Variants in WDPCP observed in about 807,000 individuals in gnomAD.
WDPCP encodes WD repeat containing planar cell polarity effector.
Under a neutral mutation model 93.1 loss-of-function variants are expected in WDPCP, and 71 were observed. The ratio of observed to expected loss-of-function variants is 0.76; its 90% CI spans 0.63 to 0.93. The LOEUF (loss-of-function observed/expected upper bound fraction) is 0.93. WDPCP is among the 40% of genes least tolerant of loss of function. The pLI is 0.00. For missense variants in WDPCP, 844 were observed against 887.4 expected (o/e 0.95, Z 0.62); for synonymous variants, 315 against 315.0 (o/e 1.00, Z 0.00).
intron 14 of WDPCP, among the ~76,000 whole-genome samples, chr2:63,198,507 C>A (rs759406349): frequency 4.6e-5 from 7 of 152,012 alleles, no homozygotes; most frequent in Non-Finnish European, 1.5e-5. Flanking sequence ...GAGGGGTGAT[C>A]CCCTGTGTTG....
chr2:63,331,824 A>G (rs1687997707), intron 12 of WDPCP, among the ~76,000 whole-genome samples: 1 of 152,098 alleles, frequency 6.6e-6, no homozygotes, highest in Non-Finnish European at 1.5e-5. Flanking sequence ...CTTTTCAATA[A>G]TATCATAAAT....
intron 17 of WDPCP, among the ~76,000 whole-genome samples, chr2:63,130,853 T>A (rs952090531): frequency 1.3e-5 from 2 of 152,134 alleles, no homozygotes; most frequent in South Asian, 2.1e-4. Context: ...TATGTTAATG[T>A]TTGCTTCATA....
intron 17 of WDPCP, among the ~76,000 whole-genome samples, chr2:63,125,605 T>C (rs1323120749): frequency 6.6e-6 from 1 of 152,094 alleles, no homozygotes; most frequent in African/African-American, 2.4e-5. Context: ...CTTTTCAGTT[T>C]TTTTTGTTTT....
At chr2:63,363,549 G>A (rs1297834069) in intron 12 of WDPCP, among the ~76,000 whole-genome samples, 1 of 152,116 alleles carries the variant, frequency 6.6e-6, no homozygotes, top group East Asian at 1.9e-4. Flanking sequence ...AGTGAGTCAT[G>A]AACAGGCCAC....
intron 12 of WDPCP, among the ~76,000 whole-genome samples, chr2:63,369,952 C>G (rs1189710208): frequency 6.6e-6 from 1 of 152,092 alleles, no homozygotes; most frequent in Middle Eastern, 3.2e-3. Flanking sequence ...AACCAGACTG[C>G]CAGATGAAAA....
intron 10 of WDPCP, among the ~76,000 whole-genome samples, chr2:63,402,567 GA>G (rs1164281557): frequency 1.3e-5 from 2 of 152,134 alleles, no homozygotes; most frequent in Admixed American, 1.3e-4. Context: ...AGAAGCATAT[GA>G]AAAAAAGCTC....
intron 13 of WDPCP, among the ~76,000 whole-genome samples, chr2:63,289,473 C>T (rs1559286778): frequency 6.6e-6 from 1 of 151,860 alleles, no homozygotes; most frequent in Non-Finnish European, 1.5e-5. Flanking sequence ...GTATTATTTA[C>T]TTTGTATTTG....
chr2:63,348,095 C>A (rs1689323021), intron 12 of WDPCP, among the ~76,000 whole-genome samples: 1 of 152,146 alleles, frequency 6.6e-6, no homozygotes, highest in Non-Finnish European at 1.5e-5. Flanking sequence ...CTATCACTTA[C>A]AAAGTACTTA....
chr2:63,404,323 G>T lies in WDPCP; in HGVS notation c.1160C>A (p.Pro387Gln), dbSNP rs1476483565. The change falls in exon 10 of 18, where the codon CCA becomes CAA. Residue 387 changes from proline to glutamine, a missense_variant. By Grantham distance (76) the Pro-to-Gln change is moderately conservative. Coordinates refer to ENST00000272321, the MANE Select transcript of WDPCP (RefSeq NM_015910.7). ...GCCAACTAGCAGAATGGCACCACTT[G>T]GGTGGCAGCTTATTAATGAAGGCAA... Reference protein sequence around the residue: ...ELLPSLISCHPSGAILLVGSN... With the variant: ...ELLPSLISCHQSGAILLVGSN... 1.2e-6 allele frequency: 2 copies of T among 1,613,982 alleles called. No homozygotes were observed. Among genetic ancestry groups the T allele is most frequent in the African/African-American group, 2.7e-5 (2 of 74,906 alleles).
chr2:63,166,255 C>T (rs549649919), intron 15 of WDPCP, among the ~76,000 whole-genome samples: 4 of 151,808 alleles, frequency 2.6e-5, no homozygotes, highest in East Asian at 3.9e-4. Context: ...TTAGTAGAGA[C>T]GGGGTTTCAC....
At chr2:63,537,979 A>C (rs184025202) in intron 1 of WDPCP, among the ~76,000 whole-genome samples, 1 of 152,210 alleles carries the variant, frequency 6.6e-6, no homozygotes, top group South Asian at 2.1e-4. Flanking sequence ...GAACAAGAGC[A>C]TAAGTCCCGC....
At position 63,325,863 on chromosome 2, in the gene WDPCP, C is replaced by T. The variant is rs188125476; in HGVS notation, c.1749-12552G>A. ...TCCAGCTTTAAGCCTTCCCACAGGACAAAACTTCTCTTTATATGTCAGAGA... is the reference window on the plus strand; with the variant it reads ...TCCAGCTTTAAGCCTTCCCACAGGATAAAACTTCTCTTTATATGTCAGAGA... On this transcript the variant is annotated intron_variant, in intron 12 of 17. Coordinates refer to ENST00000272321, the MANE Select transcript of WDPCP (RefSeq NM_015910.7). 1.1e-4 allele frequency among the ~76,000 whole-genome samples: 17 copies of T among 152,270 alleles called. No homozygotes were observed. The East Asian group carries it at 3.3e-3, about 29-fold the overall frequency.
At chr2:63,776,167 A>G (rs1468760080) in intron 2 of WDPCP, among the ~76,000 whole-genome samples, 2 of 152,138 alleles carry the variant, frequency 1.3e-5, no homozygotes, top group Non-Finnish European at 2.9e-5. Context: ...TCTCAAAAAA[A>G]AAAAAGAACT....
chr2:63,401,165 A>G (rs1205681625), intron 10 of WDPCP, among the ~76,000 whole-genome samples: 1 of 152,138 alleles, frequency 6.6e-6, no homozygotes, highest in Non-Finnish European at 1.5e-5. Context: ...TAAATTAAAG[A>G]GCCTCTGCAC....
At chr2:63,505,592 C>T (rs1274241239) in intron 1 of WDPCP, among the ~76,000 whole-genome samples, 1 of 151,906 alleles carries the variant, frequency 6.6e-6, no homozygotes, top group African/African-American at 2.4e-5. Flanking sequence ...TATATTAAGA[C>T]ATAGAAGAGT....
intron 12 of WDPCP, among the ~76,000 whole-genome samples, chr2:63,322,579 G>A (rs919619668): frequency 1.3e-5 from 2 of 151,978 alleles, no homozygotes; most frequent in African/African-American, 2.4e-5. Flanking sequence ...AAGGTCTGCG[G>A]CTTCACTCCT....
intron 2 of WDPCP, among the ~76,000 whole-genome samples, chr2:63,777,555 T>C (rs920872746): frequency 5.3e-5 from 8 of 152,330 alleles, no homozygotes; most frequent in Middle Eastern, 6.8e-3. Flanking sequence ...CAAATTGTAG[T>C]ATATCCATAA....
intron 9 of WDPCP, among the ~76,000 whole-genome samples, chr2:63,414,470 T>TACACACAC (rs563655098): frequency 1.6e-4 from 19 of 117,002 alleles, no homozygotes; most frequent in African/African-American, 5.0e-4. Context: ...TACACACACA[T>TACACACAC]ATACACACAC....
intron 14 of WDPCP, among the ~76,000 whole-genome samples, chr2:63,183,596 T>C (rs1674405700): frequency 6.6e-6 from 1 of 152,016 alleles, no homozygotes; most frequent in Non-Finnish European, 1.5e-5. Context: ...GAAGAATCTA[T>C]ATTCCGCTGT....
Sources: allele counts gnomAD v4.1 joint callset (sites outside exome capture counted in the v4.1 genomes callset), GRCh38; gene constraint gnomAD v4.1.1; transcripts MANE v1.5; gene names NCBI Gene and HGNC (gene_info 2026-07-23, HGNC 2026-07-21).